CAMK1D: variants seen among roughly 807,000 people sequenced by gnomAD.
CAMK1D encodes the protein calcium/calmodulin-dependent protein kinase type 1D.
CAMK1D carries 9 observed loss-of-function variants against 47.7 expected under a neutral mutation model. The observed-to-expected ratio is 0.19, with a 90% CI of 0.11 to 0.33. CAMK1D has a LOEUF of 0.33. CAMK1D is among the 10% of genes least tolerant of loss of function. The pLI, the probability that CAMK1D is intolerant of heterozygous loss-of-function variation, is 1.00. For missense variants in CAMK1D, 291 were observed against 488.7 expected (o/e 0.60, Z 3.81); for synonymous variants, 184 against 184.9 (o/e 0.99, Z 0.04).
At chr10:12,472,170 C>G (rs1277436875) in intron 1 of CAMK1D, among the ~76,000 whole-genome samples, 2 of 152,194 alleles carry the variant, frequency 1.3e-5, no homozygotes, top group Non-Finnish European at 2.9e-5. Context: ...ACTTGTAACT[C>G]TCTTTACTAA....
At chr10:12,727,019 G>T (rs962270295) in intron 3 of CAMK1D, among the ~76,000 whole-genome samples, 1 of 152,220 alleles carries the variant, frequency 6.6e-6, no homozygotes, top group Non-Finnish European at 1.5e-5. Flanking sequence ...CCACACCCAG[G>T]CTCCCCTTCC....
Position 12,770,262 on chromosome 10 carries a change from T to G in CAMK1D, c.565+463T>G, listed in dbSNP as rs1836980160. 2.0e-5 allele frequency among the ~76,000 whole-genome samples: 3 copies of G among 152,358 alleles called. No individual in the cohort carries two copies. The South Asian group carries it at 6.2e-4, about 32-fold the overall frequency. ...GACCAAGTCACTCTCATCAATCAGT[T>G]AACCCTGATCTGTACTGCGATGCTA... is the stretch of plus-strand genomic sequence containing the variant. On this transcript the variant is annotated intron_variant, in intron 5 of 10. Coordinates refer to ENST00000619168, the MANE Select transcript of CAMK1D (RefSeq NM_153498.4).
chr10:12,439,213 C>A (rs77572511), intron 1 of CAMK1D, among the ~76,000 whole-genome samples: 1 of 152,148 alleles, frequency 6.6e-6, no homozygotes, highest in East Asian at 1.9e-4. Flanking sequence ...AACTCATATT[C>A]GAAGTCATTC....
intron 1 of CAMK1D, among the ~76,000 whole-genome samples, chr10:12,448,960 G>A (rs1045800186): frequency 1.3e-5 from 2 of 152,056 alleles, no homozygotes; most frequent in South Asian, 2.1e-4. Flanking sequence ...TAATCTCATC[G>A]GATGTTGTGA....
At position 12,551,292 on chromosome 10, in the gene CAMK1D, A is replaced by G. The variant is rs963399839; in HGVS notation, c.93-1933A>G. 3.3e-5 allele frequency among the ~76,000 whole-genome samples: 5 copies of G among 152,188 alleles called. No individual in the cohort carries two copies. In the South Asian group the frequency reaches 6.2e-4, roughly 19 times the overall value. The stretch of plus-strand genomic sequence containing the variant: ...TGTGAACTGTGCACGCGAGGGATCT[A>G]GGTTGCACACTCTTTATGAGAATCT... On this transcript the variant is annotated intron_variant, in intron 1 of 10. Coordinates refer to ENST00000619168, the MANE Select transcript of CAMK1D (RefSeq NM_153498.4).
intron 2 of CAMK1D, among the ~76,000 whole-genome samples, chr10:12,615,836 G>A (rs7083280): frequency 0.069 from 9,750 of 142,010 alleles, 804 homozygotes; most frequent in African/African-American, 0.2. Context: ...GTGTGCGTTC[G>A]TGTGTGTATA....
At chr10:12,687,742 A>G (rs1425588345) in intron 3 of CAMK1D, among the ~76,000 whole-genome samples, 3 of 152,214 alleles carry the variant, frequency 2.0e-5, no homozygotes. Context: ...TTCCGGAGAC[A>G]AATCAAAAAG....
chr10:12,388,521 G>A (rs1284186210), intron 1 of CAMK1D, among the ~76,000 whole-genome samples: 3 of 152,122 alleles, frequency 2.0e-5, no homozygotes, highest in African/African-American at 7.2e-5. Context: ...TGCCTTCTTG[G>A]CCCAGGAAAT....
At chr10:12,739,429 C>T (rs1033066032) in intron 3 of CAMK1D, among the ~76,000 whole-genome samples, 2 of 151,156 alleles carry the variant, frequency 1.3e-5, no homozygotes, top group South Asian at 4.2e-4. Context: ...GTGCATGCCA[C>T]CACACCCGGC....
intron 1 of CAMK1D, among the ~76,000 whole-genome samples, chr10:12,388,492 G>T (rs969735936): frequency 1.3e-5 from 2 of 152,168 alleles, no homozygotes; most frequent in African/African-American, 4.8e-5. Context: ...AGAGAAAAAA[G>T]CCTTCATCTA....
chr10:12,451,906 C>T lies in CAMK1D; in HGVS notation c.93-101319C>T, dbSNP rs533553561. Among the ~76,000 whole-genome samples, 4 of 152,256 alleles carry T rather than the reference C, an allele frequency of 2.6e-5. No homozygotes were observed. The East Asian group carries it at 7.7e-4, about 29-fold the overall frequency. On this transcript the variant is annotated intron_variant, in intron 1 of 10. Coordinates refer to ENST00000619168, the MANE Select transcript of CAMK1D (RefSeq NM_153498.4). ...CTACTCTGGCCGATGGGCCTTCGAC[C>T]ACCGGGGTCCCAGGAACCAGAGCAA...
intron 1 of CAMK1D, among the ~76,000 whole-genome samples, chr10:12,373,193 G>T (rs11257743): frequency 0.086 from 13,068 of 151,998 alleles, 812 homozygotes; most frequent in East Asian, 0.25. Context: ...CGTGCTTGTA[G>T]TCCCAGCTAC....
intron 3 of CAMK1D, among the ~76,000 whole-genome samples, chr10:12,731,601 A>G (rs1834886078): frequency 6.6e-6 from 1 of 152,228 alleles, no homozygotes; most frequent in Non-Finnish European, 1.5e-5. Context: ...TGCCAAGTAA[A>G]TAAGACAGAA....
At chr10:12,617,903 T>G (rs1320312021) in intron 2 of CAMK1D, among the ~76,000 whole-genome samples, 1 of 152,238 alleles carries the variant, frequency 6.6e-6, no homozygotes, top group Non-Finnish European at 1.5e-5. Context: ...ACCATTAATT[T>G]TATTAAATAG....
At chr10:12,461,775 A>G (rs1833432952) in intron 1 of CAMK1D, among the ~76,000 whole-genome samples, 1 of 151,722 alleles carries the variant, frequency 6.6e-6, no homozygotes, top group Non-Finnish European at 1.5e-5. Context: ...AGTTATTTTT[A>G]GGTGTTCTTC....
At chr10:12,793,482 T>TAGTC (rs762650964) in intron 6 of CAMK1D, among the ~76,000 whole-genome samples, 1 of 152,254 alleles carries the variant, frequency 6.6e-6, no homozygotes, top group Admixed American at 6.5e-5. Flanking sequence ...AATGATGTCT[T>TAGTC]AGTCAGATCA....
chr10:12,468,314 A>G (rs1212370710), intron 1 of CAMK1D, among the ~76,000 whole-genome samples: 3 of 152,156 alleles, frequency 2.0e-5, no homozygotes, highest in Non-Finnish European at 4.4e-5. Flanking sequence ...TGCGTGCCTT[A>G]CCTTCCCAAA....
At chr10:12,469,047 C>T (rs1211056522) in intron 1 of CAMK1D, among the ~76,000 whole-genome samples, 1 of 152,034 alleles carries the variant, frequency 6.6e-6, no homozygotes, top group Non-Finnish European at 1.5e-5. Context: ...GTGAACGGCT[C>T]CACAGGGAGA....
chr10:12,397,306 C>T (rs1257388759), intron 1 of CAMK1D, among the ~76,000 whole-genome samples: 1 of 152,132 alleles, frequency 6.6e-6, no homozygotes, highest in Non-Finnish European at 1.5e-5. Context: ...ATGGCCATGA[C>T]CTTTGGTTCC....
Sources: allele counts gnomAD v4.1 joint callset (sites outside exome capture counted in the v4.1 genomes callset), GRCh38; gene constraint gnomAD v4.1.1; transcripts MANE v1.5; gene names NCBI Gene and HGNC (gene_info 2026-07-23, HGNC 2026-07-21).